CRB1: variants seen among roughly 807,000 people sequenced by gnomAD.
The protein encoded by CRB1 is protein crumbs homolog 1.
Under a neutral mutation model 120.0 loss-of-function variants are expected in CRB1, and 83 were observed. That is an observed-to-expected ratio of 0.69 (90% CI 0.58 to 0.83). The LOEUF (loss-of-function observed/expected upper bound fraction) is 0.83, where lower values mean the gene tolerates loss of function less well. CRB1 is among the 40% of genes least tolerant of loss of function. The pLI is 0.00. For synonymous variants in CRB1, 625 were observed against 612.5 expected, an observed-to-expected ratio of 1.02 and a Z score of -0.30; for missense variants, 1,699 against 1,687.6, an observed-to-expected ratio of 1.01 and a Z score of -0.12.
the CRB1 span, among the ~76,000 whole-genome samples, chr1:197,255,180 A>T: frequency 5.4e-4 from 82 of 152,190 alleles, no homozygotes; most frequent in Non-Finnish European, 9.7e-4. Flanking sequence ...AAAACACTGT[A>T]CTGCAAATCA....
chr1:197,406,072 G>A (rs1206886268), intron 5 of CRB1, among the ~76,000 whole-genome samples: 1 of 152,228 alleles, frequency 6.6e-6, no homozygotes, highest in African/African-American at 2.4e-5. Flanking sequence ...CGTCTGGGAG[G>A]TGTACCCAAC....
chr1:197,236,346 T>C, the CRB1 span, among the ~76,000 whole-genome samples: 1 of 152,054 alleles, frequency 6.6e-6, no homozygotes, highest in Non-Finnish European at 1.5e-5. Flanking sequence ...ACTACAGGCA[T>C]GTGCCACCAT....
intron 11 of CRB1, among the ~76,000 whole-genome samples, chr1:197,452,276 C>G (rs182700191): frequency 2.2e-4 from 33 of 152,296 alleles, no homozygotes; most frequent in African/African-American, 7.5e-4. Flanking sequence ...GTACTCTAGG[C>G]CACTGCAGAG....
chr1:197,335,142 G>A (rs1659080650), intron 2 of CRB1, among the ~76,000 whole-genome samples: 1 of 152,160 alleles, frequency 6.6e-6, no homozygotes, highest in Non-Finnish European at 1.5e-5. Flanking sequence ...GAGGTAAAGA[G>A]TCCTTGCAAT....
Position 197,477,944 on chromosome 1 carries a change from T to TC in CRB1, c.*66dup. ...GAATGTGATGACTGTACTTCAGGTA[T>TC]CTCTGACATACCTGACAATGTTAAT... On this transcript the variant is annotated 3_prime_UTR_variant, in exon 12 of 12. Transcript: ENST00000367400. 6.8e-7 allele frequency: 1 copy of TC among 1,461,270 alleles called. No homozygotes were observed. The highest frequency in any genetic ancestry group is 1.1e-5 in the South Asian group (1 of 87,608). 90.5% of individuals were successfully genotyped at this position (1,461,270 alleles called of 1,614,324 possible). A position where few individuals can be genotyped will look rare whatever the true frequency, so the allele number is the denominator to read the frequency against.
chr1:197,353,491 C>T (rs1367336331), intron 4 of CRB1, among the ~76,000 whole-genome samples: 1 of 152,158 alleles, frequency 6.6e-6, no homozygotes, highest in African/African-American at 2.4e-5. Flanking sequence ...GGGCCTTAGG[C>T]GACTGTGAAG....
chr1:197,381,105 C>T (rs1661931362), intron 5 of CRB1, among the ~76,000 whole-genome samples: 2 of 152,118 alleles, frequency 1.3e-5, no homozygotes, highest in South Asian at 2.1e-4. Flanking sequence ...TCTTTGTGAG[C>T]GTTCATTTAA....
At chr1:197,420,505 A>C (rs1664249552) in intron 5 of CRB1, among the ~76,000 whole-genome samples, 1 of 152,290 alleles carries the variant, frequency 6.6e-6, no homozygotes, top group South Asian at 2.1e-4. Context: ...TGGACTATTT[A>C]TATTTCTGGC....
intron 5 of CRB1, among the ~76,000 whole-genome samples, chr1:197,405,526 C>T (rs1038654191): frequency 3.3e-5 from 5 of 152,030 alleles, no homozygotes; most frequent in Non-Finnish European, 7.4e-5. Flanking sequence ...AGCGTCTCTG[C>T]CTGGCCGCCC....
intron 4 of CRB1, 87 bp from the exon 5 acceptor site, chr1:197,356,744 C>A: frequency 1.5e-6 from 2 of 1,312,866 alleles, no homozygotes; most frequent in Non-Finnish European, 2.2e-6. Context: ...AAATCAATGC[C>A]AGTATAGCAG....
chr1:197,459,217 A>G (rs1183837560), intron 11 of CRB1, among the ~76,000 whole-genome samples: 1 of 152,148 alleles, frequency 6.6e-6, no homozygotes, highest in Non-Finnish European at 1.5e-5. Flanking sequence ...ATCCAGCCAG[A>G]GAAGAAAGAA....
chr1:197,222,463 A>T, the CRB1 span: 2 of 768,772 alleles, frequency 2.6e-6, no homozygotes, highest in Non-Finnish European at 4.9e-6. Context: ...GGAGTGGACA[A>T]ACTGGCTCTA....
intron 4 of CRB1, among the ~76,000 whole-genome samples, chr1:197,353,342 A>C (rs1214168250): frequency 6.6e-6 from 1 of 152,214 alleles, no homozygotes; most frequent in Non-Finnish European, 1.5e-5. Flanking sequence ...AGGATGTTGA[A>C]TTCCTTTCTA....
At chr1:197,466,268 A>T (rs762771916) in intron 11 of CRB1, among the ~76,000 whole-genome samples, 4 of 152,216 alleles carry the variant, frequency 2.6e-5, no homozygotes, top group Non-Finnish European at 5.9e-5. Flanking sequence ...AATTTAATGC[A>T]GGTCTGAGGC....
At chr1:197,255,382 CT>C in the CRB1 span, among the ~76,000 whole-genome samples, 1 of 152,100 alleles carries the variant, frequency 6.6e-6, no homozygotes, top group African/African-American at 2.4e-5. Context: ...GAATTCTCAT[CT>C]GTTCTATGCT....
the CRB1 span, among the ~76,000 whole-genome samples, chr1:197,243,402 A>G: frequency 6.6e-6 from 1 of 152,170 alleles, no homozygotes; most frequent in African/African-American, 2.4e-5. Flanking sequence ...GGTTTCCAAG[A>G]ACTTATTTAT....
At chr1:197,350,450 GTT>G (rs1263108337) in intron 4 of CRB1, among the ~76,000 whole-genome samples, 2 of 152,234 alleles carry the variant, frequency 1.3e-5, no homozygotes, top group Non-Finnish European at 2.9e-5. Context: ...GAGGGCGAGA[GTT>G]TGTAATGGAG....
At chr1:197,363,986 A>G (rs1163156850) in intron 5 of CRB1, 6 of 1,382,288 alleles carry the variant, frequency 4.3e-6, no homozygotes, top group Admixed American at 1.7e-5. Flanking sequence ...AGGGAAAGCT[A>G]TGAAAAGTGC....
chr1:197,410,163 A>G (rs1301458575), intron 5 of CRB1, among the ~76,000 whole-genome samples: 1 of 152,134 alleles, frequency 6.6e-6, no homozygotes, highest in African/African-American at 2.4e-5. Flanking sequence ...AAGGTACACA[A>G]AGTTATCCCT....
Sources: gnomAD v4.1 joint callset for allele counts (sites outside exome capture counted in the v4.1 genomes callset) on GRCh38, gnomAD v4.1.1 for gene constraint, MANE v1.5 for transcripts, NCBI Gene and HGNC (gene_info 2026-07-23, HGNC 2026-07-21) for gene names.